Variants in AATF observed in about 807,000 individuals in gnomAD.
The protein encoded by AATF is protein AATF.
AATF carries 48 observed loss-of-function variants against 63.7 expected under a neutral mutation model. The observed-to-expected ratio is 0.75, with a 90% CI of 0.60 to 0.96. AATF has a LOEUF of 0.96. Among genes scored for constraint, AATF ranks in the 40% least tolerant of loss-of-function variants. The pLI, the probability that AATF is intolerant of heterozygous loss-of-function variation, is 0.00. For missense variants in AATF, 639 were observed against 685.7 expected, an observed-to-expected ratio of 0.93 and a Z score of 0.76; for synonymous variants, 258 against 247.7, an observed-to-expected ratio of 1.04 and a Z score of -0.39.
chr17:36,995,009 C>T (rs1009098010), intron 8 of AATF, among the ~76,000 whole-genome samples: 10 of 152,316 alleles, frequency 6.6e-5, no homozygotes, highest in African/African-American at 2.4e-4. Flanking sequence ...AGATCGCAAA[C>T]TAGTTTCTTG....
intron 8 of AATF, among the ~76,000 whole-genome samples, chr17:37,013,490 C>T (rs138902835): frequency 2.0e-5 from 3 of 152,190 alleles, no homozygotes; most frequent in East Asian, 1.9e-4. Flanking sequence ...TGAAGGAAGG[C>T]GGAGGGGAGC....
intron 4 of AATF, among the ~76,000 whole-genome samples, chr17:36,982,765 T>C (rs2071137244): frequency 6.6e-6 from 1 of 152,244 alleles, no homozygotes; most frequent in African/African-American, 2.4e-5. Context: ...ACATTCACAT[T>C]GTTGTGCAAC....
intron 8 of AATF, among the ~76,000 whole-genome samples, chr17:37,016,713 T>C (rs542050245): frequency 2.9e-4 from 43 of 147,812 alleles, no homozygotes; most frequent in East Asian, 5.9e-4. Context: ...TCAAATCTCT[T>C]TTTTTTTTTT....
intron 4 of AATF, among the ~76,000 whole-genome samples, chr17:36,975,916 T>C (rs975636657): frequency 6.6e-6 from 1 of 152,260 alleles, no homozygotes; most frequent in Non-Finnish European, 1.5e-5. Context: ...ACATGGGCTT[T>C]TGAATTTTGG....
At chr17:36,995,742 A>G (rs1017213946) in intron 8 of AATF, among the ~76,000 whole-genome samples, 1 of 151,104 alleles carries the variant, frequency 6.6e-6, no homozygotes, top group African/African-American at 2.4e-5. Context: ...TAATTTTCAT[A>G]TTTTTTGTAG....
At chr17:36,981,702 CTTTTT>C (rs71368433) in intron 4 of AATF, among the ~76,000 whole-genome samples, 1 of 110,480 alleles carries the variant, frequency 9.1e-6, no homozygotes, top group Non-Finnish European at 1.9e-5. Flanking sequence ...TCTTTCTTTT[CTTTTT>C]TTTTTTTTTT....
intron 4 of AATF, among the ~76,000 whole-genome samples, chr17:36,960,277 G>A (rs1567965239): frequency 6.6e-6 from 1 of 152,208 alleles, no homozygotes; most frequent in Non-Finnish European, 1.5e-5. Flanking sequence ...CTCCCAAAGT[G>A]CTGGGATTAC....
intron 8 of AATF, among the ~76,000 whole-genome samples, chr17:37,009,020 C>T (rs1286073445): frequency 6.6e-6 from 1 of 152,160 alleles, no homozygotes; most frequent in African/African-American, 2.4e-5. Context: ...CTGAGAAGAA[C>T]CAACTTTTTC....
At chr17:36,987,585 A>C (rs1487959181) in intron 5 of AATF, among the ~76,000 whole-genome samples, 1 of 152,208 alleles carries the variant, frequency 6.6e-6, no homozygotes, top group Admixed American at 6.5e-5. Flanking sequence ...TTGGGAGGAC[A>C]AAAAGGAAAC....
intron 11 of AATF, among the ~76,000 whole-genome samples, chr17:37,047,826 A>ACTGC (rs1243209463): frequency 1.3e-5 from 2 of 152,194 alleles, no homozygotes; most frequent in African/African-American, 4.8e-5. Flanking sequence ...CGAGTCGTGT[A>ACTGC]CTGCCACCTT....
intron 4 of AATF, among the ~76,000 whole-genome samples, chr17:36,956,411 G>T (rs1168026350): frequency 6.6e-6 from 1 of 152,170 alleles, no homozygotes; most frequent in Non-Finnish European, 1.5e-5. Flanking sequence ...AGTGGCTCAC[G>T]CCTGTAATGC....
intron 4 of AATF, among the ~76,000 whole-genome samples, chr17:36,980,661 A>G (rs2071115591): frequency 6.6e-6 from 1 of 151,884 alleles, no homozygotes; most frequent in South Asian, 2.1e-4. Flanking sequence ...TTTGGCTGGG[A>G]AGAATTCACT....
At chr17:36,953,991 G>C in intron 4 of AATF, 84 bp downstream of exon 4, 2 of 1,445,070 alleles carry the variant, frequency 1.4e-6, no homozygotes, top group Non-Finnish European at 1.9e-6. Flanking sequence ...CTGGGAGCTT[G>C]AGCCATGTTT....
intron 8 of AATF, among the ~76,000 whole-genome samples, chr17:37,004,693 G>T (rs955944763): frequency 6.6e-6 from 1 of 152,116 alleles, no homozygotes; most frequent in Non-Finnish European, 1.5e-5. Context: ...GAATGAAGGA[G>T]CCGAGAGTGA....
chr17:36,973,522 AGGAGAAATAT>A (rs1567969813), intron 4 of AATF, among the ~76,000 whole-genome samples: 2 of 152,232 alleles, frequency 1.3e-5, no homozygotes, highest in African/African-American at 4.8e-5. Context: ...CAATGAAGGC[AGGAGAAATAT>A]GGAGATGAAT....
intron 4 of AATF, 100 bp from the exon 5 acceptor site, chr17:36,986,517 C>A: frequency 1.1e-6 from 1 of 914,270 alleles, no homozygotes; most frequent in Non-Finnish European, 1.8e-6. Flanking sequence ...CCCTTCACTC[C>A]CCACAGCCAG....
intron 7 of AATF, 70 bp downstream of exon 7, chr17:36,989,481 T>C (rs1179917743): frequency 1.4e-6 from 2 of 1,448,500 alleles, no homozygotes; most frequent in Admixed American, 4.1e-5. Context: ...GAAAAACTTG[T>C]AGCTATTACC....
chr17:37,041,245 CCTAATAAT>C (rs1262987422), intron 11 of AATF, among the ~76,000 whole-genome samples: 10 of 152,070 alleles, frequency 6.6e-5, no homozygotes, highest in Admixed American at 6.5e-5. Context: ...ATTTTAATAA[CCTAATAAT>C]CTATTATGGA....
chr17:36,963,346 C>T (rs1175321954), intron 4 of AATF, among the ~76,000 whole-genome samples: 1 of 152,138 alleles, frequency 6.6e-6, no homozygotes, highest in African/African-American at 2.4e-5. Context: ...ACAGGACGGT[C>T]CCTAAATTGA....
Sources: allele counts gnomAD v4.1 joint callset (sites outside exome capture counted in the v4.1 genomes callset), GRCh38; gene constraint gnomAD v4.1.1; transcripts MANE v1.5; gene names NCBI Gene and HGNC (gene_info 2026-07-23, HGNC 2026-07-21).